Variants in TGFBR3 observed in about 807,000 individuals in gnomAD.
The protein encoded by TGFBR3 is transforming growth factor beta receptor type 3.
A neutral mutation model predicts 87.9 loss-of-function variants in TGFBR3; 46 were observed. The observed-to-expected ratio is 0.52, with a 90% CI of 0.41 to 0.67. The LOEUF is 0.67. TGFBR3 is among the 30% of genes least tolerant of loss of function. The pLI, the probability that TGFBR3 is intolerant of heterozygous loss-of-function variation, is 0.00. For missense variants in TGFBR3, 866 were observed against 1,041.9 expected, an observed-to-expected ratio of 0.83 and a Z score of 2.32; for synonymous variants, 381 against 391.6, an observed-to-expected ratio of 0.97 and a Z score of 0.32.
At chr1:91,891,209 G>A (rs1423134291) in intron 2 of TGFBR3, among the ~76,000 whole-genome samples, 2 of 145,244 alleles carry the variant, frequency 1.4e-5, no homozygotes, top group Non-Finnish European at 3.0e-5. Context: ...TTTTTTTTAA[G>A]TTTACTTCAA....
intron 2 of TGFBR3, among the ~76,000 whole-genome samples, chr1:91,802,514 T>C (rs753743968): frequency 6.6e-6 from 1 of 151,884 alleles, no homozygotes; most frequent in African/African-American, 2.4e-5. Context: ...GCGCCCGCCA[T>C]CACACCCAGC....
intron 1 of TGFBR3, chr1:91,862,044 T>G (rs560883924): frequency 5.3e-6 from 1 of 187,152 alleles, no homozygotes; most frequent in African/African-American, 2.4e-5. Context: ...TTAGTAGAGA[T>G]GGGGTTTCAC....
At chr1:91,769,385 G>A (rs1477415937) in intron 3 of TGFBR3, among the ~76,000 whole-genome samples, 1 of 152,006 alleles carries the variant, frequency 6.6e-6, no homozygotes, top group Non-Finnish European at 1.5e-5. Flanking sequence ...GGCATCCTTG[G>A]ACTCGGCCCA....
At chr1:91,688,424 C>T (rs1028640411) in intron 16 of TGFBR3, among the ~76,000 whole-genome samples, 2 of 152,172 alleles carry the variant, frequency 1.3e-5, no homozygotes, top group African/African-American at 4.8e-5. Context: ...ACTTGAAGCT[C>T]TGGTTTGTTC....
intron 1 of TGFBR3, among the ~76,000 whole-genome samples, chr1:91,878,362 C>T (rs897347361): frequency 1.3e-4 from 20 of 151,576 alleles, no homozygotes; most frequent in Non-Finnish European, 1.5e-5. Context: ...CAAATAGTCT[C>T]CAGAGTATTT....
chr1:91,712,563 G>C, intron 12 of TGFBR3, 21 bp from the exon 13 acceptor site: 1 of 1,613,152 alleles, frequency 6.2e-7, no homozygotes, highest in East Asian at 2.2e-5. Flanking sequence ...ACAGAAAGAT[G>C]AATTAGGAAA....
At chr1:91,719,503 C>G in intron 9 of TGFBR3, 39 bp from the exon 10 acceptor site, 2 of 1,612,912 alleles carry the variant, frequency 1.2e-6, no homozygotes, top group Non-Finnish European at 1.7e-6. Flanking sequence ...TGGAGGCCCA[C>G]AGGCAGTTCT....
intron 2 of TGFBR3, among the ~76,000 whole-genome samples, chr1:91,825,942 T>C (rs116474831): frequency 0.021 from 3,098 of 150,498 alleles, 107 homozygotes; most frequent in African/African-American, 0.067. Flanking sequence ...GATAGTGCCA[T>C]TGCACTCTAG....
At chr1:91,812,617 TC>T (rs1198426960) in intron 2 of TGFBR3, among the ~76,000 whole-genome samples, 2 of 152,196 alleles carry the variant, frequency 1.3e-5, no homozygotes, top group Non-Finnish European at 2.9e-5. Flanking sequence ...TATAGTTTTT[TC>T]GGTTTCGTTT....
chr1:91,779,142 GGCAGGAA>G (rs1674678908), intron 3 of TGFBR3, among the ~76,000 whole-genome samples: 1 of 152,178 alleles, frequency 6.6e-6, no homozygotes, highest in Non-Finnish European at 1.5e-5. Flanking sequence ...AAAAAACCAT[GGCAGGAA>G]GCTGAACTGG....
chr1:91,794,202 C>T (rs1179417660), intron 3 of TGFBR3, among the ~76,000 whole-genome samples: 1 of 85,834 alleles, frequency 1.2e-5, no homozygotes, highest in Non-Finnish European at 2.4e-5. Context: ...TCATCTCCTC[C>T]ACCTTTTTTT....
At chr1:91,859,870 G>A (rs991288147) in intron 2 of TGFBR3, among the ~76,000 whole-genome samples, 4 of 147,460 alleles carry the variant, frequency 2.7e-5, no homozygotes, top group Non-Finnish European at 4.5e-5. Context: ...GATCACACCA[G>A]TGCACTCCAG....
intron 2 of TGFBR3, among the ~76,000 whole-genome samples, chr1:91,855,132 T>C (rs1677890492): frequency 6.6e-6 from 1 of 152,192 alleles, no homozygotes; most frequent in Admixed American, 6.5e-5. Flanking sequence ...AGCATCTCGA[T>C]TTTCCTGTGG....
intron 2 of TGFBR3, among the ~76,000 whole-genome samples, chr1:91,817,207 G>A (rs416624): frequency 0.68 from 103,167 of 152,102 alleles, 35,191 homozygotes; most frequent in East Asian, 0.78. Flanking sequence ...AAACATCCCT[G>A]GCTATCTAAC....
At chr1:91,734,053 A>AGAGGGAGAGAGGGAGGGAAG in intron 5 of TGFBR3, among the ~76,000 whole-genome samples, 1 of 48,596 alleles carries the variant, frequency 2.1e-5, no homozygotes, top group Non-Finnish European at 3.5e-5. Context: ...AGGGAGGGAG[A>AGAGGGAGAGAGGGAGGGAAG]GAGGGAGGGA....
intron 2 of TGFBR3, among the ~76,000 whole-genome samples, chr1:91,844,980 G>T (rs1193147786): frequency 1.3e-5 from 2 of 152,186 alleles, no homozygotes; most frequent in African/African-American, 4.8e-5. Context: ...GAGCAGGCAG[G>T]TTGCCCAGGG....
rs1187231599 is a variant in TGFBR3, at chr1:91,683,788, C to T, written c.2507G>A (p.Ser836Asn). 1.2e-6 allele frequency: 2 copies of T among 1,606,878 alleles called. No individual in the cohort carries two copies. Among genetic ancestry groups the T allele is most frequent in the Non-Finnish European group, 1.7e-6 (2 of 1,177,594 alleles). ...AGGCGTGCTCTGCGTGCTGCCGATG[C>T]TGTGGGCAGCACTGCTGTTTTCCGA... ...PASENSSAAH[S>N]IGSTQSTPCS... The change falls in exon 17 of 17, where the codon AGC becomes AAC. Residue 836 changes from serine to asparagine, a missense_variant. By Grantham distance (46) the Ser-to-Asn change is conservative. Transcript: ENST00000212355.
chr1:91,802,034 TGGG>T (rs1675649454), intron 2 of TGFBR3, among the ~76,000 whole-genome samples: 1 of 152,174 alleles, frequency 6.6e-6, no homozygotes, highest in African/African-American at 2.4e-5. Context: ...ACTCTAAGTA[TGGG>T]GTAGAGTAGT....
intron 2 of TGFBR3, among the ~76,000 whole-genome samples, chr1:91,799,394 C>T (rs1489763781): frequency 2.0e-5 from 3 of 152,202 alleles, no homozygotes; most frequent in Admixed American, 6.5e-5. Context: ...TTCCCTGGAG[C>T]CCCTGGCGGG....
Sources: gnomAD v4.1 joint callset for allele counts (sites outside exome capture counted in the v4.1 genomes callset) on GRCh38, gnomAD v4.1.1 for gene constraint, MANE v1.5 for transcripts, NCBI Gene and HGNC (gene_info 2026-07-23, HGNC 2026-07-21) for gene names.